CCDC148: variants seen among roughly 807,000 people sequenced by gnomAD.
CCDC148 encodes coiled-coil domain-containing protein 148.
CCDC148 carries 89 observed loss-of-function variants against 85.7 expected under a neutral mutation model. The observed-to-expected ratio is 1.04, with a 90% CI of 0.87 to 1.24. The LOEUF is 1.24. CCDC148 is among the 50% of genes most tolerant of loss of function. CCDC148 has a pLI of 0.00. For synonymous variants in CCDC148, 230 were observed against 213.9 expected, an observed-to-expected ratio of 1.08 and a Z score of -0.66; for missense variants, 692 against 671.7, an observed-to-expected ratio of 1.03 and a Z score of -0.33.
At chr2:158,191,746 C>T (rs1014710503) in intron 11 of CCDC148, among the ~76,000 whole-genome samples, 4 of 151,916 alleles carry the variant, frequency 2.6e-5, no homozygotes, top group Non-Finnish European at 2.9e-5. Flanking sequence ...TAGCAGTTTC[C>T]GTTTTGTCTC....
At position 158,220,684 on chromosome 2, in the gene CCDC148, CTGTTT is replaced by C; in HGVS notation, c.1276_1280del (p.Lys426GlufsTer22). 6.3e-7 allele frequency: 1 copy of C among 1,586,368 alleles called. No individual in the cohort carries two copies. Among genetic ancestry groups the C allele is most frequent in the Middle Eastern group, 1.7e-4 (1 of 5,978 alleles). ...CTCTCATTTCCATTTCTTGCCACTT[CTGTTT>C]TTTCTTGGCCCAGTATTTTTTTATC... On this transcript the variant is annotated frameshift_variant, in exon 11 of 14. Transcript: ENST00000283233. LOFTEE classifies it high-confidence loss of function.
intron 11 of CCDC148, among the ~76,000 whole-genome samples, chr2:158,212,582 C>T (rs1334914862): frequency 6.6e-6 from 1 of 151,956 alleles, no homozygotes; most frequent in Non-Finnish European, 1.5e-5. Context: ...TAGTCTCTTC[C>T]TTCCCAAATG....
At chr2:158,438,353 T>C (rs996541268) in intron 1 of CCDC148, among the ~76,000 whole-genome samples, 1 of 152,072 alleles carries the variant, frequency 6.6e-6, no homozygotes, top group Non-Finnish European at 1.5e-5. Flanking sequence ...TTGACAAACC[T>C]GACAAAAACA....
At chr2:158,287,459 T>C (rs546213301) in intron 9 of CCDC148, among the ~76,000 whole-genome samples, 2 of 150,938 alleles carry the variant, frequency 1.3e-5, no homozygotes, top group Non-Finnish European at 3.0e-5. Context: ...CTAGATACAG[T>C]GGGGGTACAG....
At chr2:158,438,215 C>T (rs1257360048) in intron 1 of CCDC148, among the ~76,000 whole-genome samples, 1 of 152,168 alleles carries the variant, frequency 6.6e-6, no homozygotes, top group African/African-American at 2.4e-5. Flanking sequence ...TGTTACCTGA[C>T]TTCAAACTAT....
rs180886203 is a variant in CCDC148, at chr2:158,340,970, T to C, written c.252-290A>G. 5.3e-5 allele frequency among the ~76,000 whole-genome samples: 8 copies of C among 152,200 alleles called. No homozygotes were observed. The East Asian group carries it at 1.6e-3, about 30-fold the overall frequency. Reference sequence around the variant, plus strand: ...TGAAGGTCAGTAGGCTGACCTCACTTCCTCAGATCCGTGTTTCAGAAAGAT... The same window carrying C: ...TGAAGGTCAGTAGGCTGACCTCACTCCCTCAGATCCGTGTTTCAGAAAGAT... On this transcript the variant is annotated intron_variant, in intron 3 of 13. Transcript: ENST00000283233.
intron 7 of CCDC148, among the ~76,000 whole-genome samples, chr2:158,328,099 T>C (rs907335945): frequency 6.6e-6 from 1 of 152,096 alleles, no homozygotes; most frequent in African/African-American, 2.4e-5. Flanking sequence ...TGTGCAATGT[T>C]GGTGTACTGC....
chr2:158,182,010 CAG>C (rs1684927491), intron 11 of CCDC148, among the ~76,000 whole-genome samples: 1 of 151,640 alleles, frequency 6.6e-6, no homozygotes, highest in African/African-American at 2.4e-5. Context: ...TAAAAATCAA[CAG>C]AAAGTTTTCA....
intron 8 of CCDC148, among the ~76,000 whole-genome samples, chr2:158,311,268 G>C (rs1478658779): frequency 6.6e-6 from 1 of 152,232 alleles, no homozygotes; most frequent in African/African-American, 2.4e-5. Context: ...TCAGGAGCTG[G>C]AGACCAGCCC....
chr2:158,432,344 A>T (rs1687395415), intron 1 of CCDC148, among the ~76,000 whole-genome samples: 1 of 152,310 alleles, frequency 6.6e-6, no homozygotes, highest in African/African-American at 2.4e-5. Flanking sequence ...CAAACATGAT[A>T]AAAACAAGAC....
At chr2:158,231,148 G>A (rs760973245) in intron 10 of CCDC148, among the ~76,000 whole-genome samples, 1 of 152,146 alleles carries the variant, frequency 6.6e-6, no homozygotes, top group African/African-American at 2.4e-5. Context: ...CACATAAACA[G>A]TATTTGACAC....
chr2:158,257,150 T>G (rs1240537992), intron 9 of CCDC148, among the ~76,000 whole-genome samples: 1 of 151,712 alleles, frequency 6.6e-6, no homozygotes, highest in Non-Finnish European at 1.5e-5. Context: ...TCCTGATCCC[T>G]GCTTTCCTCA....
chr2:158,224,851 G>A (rs1424817401), intron 10 of CCDC148, among the ~76,000 whole-genome samples: 1 of 152,056 alleles, frequency 6.6e-6, no homozygotes, highest in Non-Finnish European at 1.5e-5. Context: ...GCAAAAACAT[G>A]CCAAATTGTA....
intron 8 of CCDC148, among the ~76,000 whole-genome samples, chr2:158,311,926 A>G (rs1692037643): frequency 6.6e-6 from 1 of 152,194 alleles, no homozygotes; most frequent in South Asian, 2.1e-4. Flanking sequence ...AAGAACAGGA[A>G]TGGAGAGAAC....
intron 11 of CCDC148, among the ~76,000 whole-genome samples, chr2:158,200,233 G>A (rs74881573): frequency 0.06 from 9,090 of 152,188 alleles, 895 homozygotes; most frequent in African/African-American, 0.2. Flanking sequence ...TTTTTCCCAT[G>A]ATATTAAGTT....
intron 9 of CCDC148, among the ~76,000 whole-genome samples, chr2:158,296,183 C>T (rs755574415): frequency 2.3e-4 from 35 of 152,128 alleles, no homozygotes; most frequent in Non-Finnish European, 4.7e-4. Context: ...AAGTTGTCTT[C>T]CCCATGTTTT....
chr2:158,210,864 C>T (rs1686534655), intron 11 of CCDC148, among the ~76,000 whole-genome samples: 1 of 143,494 alleles, frequency 7.0e-6, no homozygotes, highest in African/African-American at 2.6e-5. Context: ...GAGGCTGAGA[C>T]AGGAGAATGG....
At chr2:158,418,172 C>G (rs897783485) in intron 1 of CCDC148, among the ~76,000 whole-genome samples, 7 of 151,768 alleles carry the variant, frequency 4.6e-5, no homozygotes, top group Admixed American at 4.6e-4. Context: ...CCTAGCTTAC[C>G]CAGGCTTGCT....
intron 1 of CCDC148, among the ~76,000 whole-genome samples, chr2:158,387,947 G>A (rs1421736605): frequency 6.6e-6 from 1 of 152,170 alleles, no homozygotes; most frequent in East Asian, 1.9e-4. Context: ...CATAGTTTGG[G>A]CCACTGCAGT....
Sources: gnomAD v4.1 joint callset for allele counts (sites outside exome capture counted in the v4.1 genomes callset) on GRCh38, gnomAD v4.1.1 for gene constraint, MANE v1.5 for transcripts, NCBI Gene and HGNC (gene_info 2026-07-23, HGNC 2026-07-21) for gene names.